The following PLSCR5 variants were observed in gnomAD, a reference collection of about 807,000 sequenced individuals.
The protein encoded by PLSCR5 is phospholipid scramblase family member 5, also known as phospholipid scramblase family, member 5.
Under a neutral mutation model 33.6 loss-of-function variants are expected in PLSCR5, and 44 were observed. The observed-to-expected ratio is 1.31, with a 90% CI of 1.03 to 1.69. The LOEUF (loss-of-function observed/expected upper bound fraction) is 1.69. Ranked by LOEUF, PLSCR5 falls within the 40% of genes most tolerant of loss-of-function variation. The probability of loss-of-function intolerance (pLI) is 0.00; values close to 1 mark genes in which losing one functional copy is unlikely to be tolerated. For missense variants in PLSCR5, 375 were observed against 318.7 expected (o/e 1.18, Z -1.34); for synonymous variants, 148 against 112.3 (o/e 1.32, Z -2.01).
intron 5 of PLSCR5, among the ~76,000 whole-genome samples, chr3:146,591,259 A>G (rs1455547754): frequency 6.6e-6 from 1 of 152,020 alleles, no homozygotes; most frequent in Non-Finnish European, 1.5e-5. Flanking sequence ...AAATCAGGAA[A>G]TATTGGTTAT....
At chr3:146,579,727 A>G (rs1398142122) in intron 7 of PLSCR5, among the ~76,000 whole-genome samples, 2 of 152,228 alleles carry the variant, frequency 1.3e-5, no homozygotes, top group Non-Finnish European at 2.9e-5. Flanking sequence ...AAGCCCCTAG[A>G]AGATGCTTTG....
At chr3:146,588,769 G>C (rs2044685818) in intron 6 of PLSCR5, among the ~76,000 whole-genome samples, 1 of 151,730 alleles carries the variant, frequency 6.6e-6, no homozygotes, top group Non-Finnish European at 1.5e-5. Flanking sequence ...CAATAGTACT[G>C]TGATGTGTAA....
At chr3:146,593,809 T>G in intron 4 of PLSCR5, 111 bp downstream of exon 4, 1 of 959,842 alleles carries the variant, frequency 1.0e-6, no homozygotes. Flanking sequence ...ATACTATTAA[T>G]AATTAAAACA....
At chr3:146,603,464 T>G (rs1487155336) in intron 1 of PLSCR5, among the ~76,000 whole-genome samples, 1 of 152,132 alleles carries the variant, frequency 6.6e-6, no homozygotes, top group East Asian at 1.9e-4. Context: ...TTGAGCCGGT[T>G]GCAGAAGGAG....
At chr3:146,576,596 G>A (rs1401615074) in exon 8 of PLSCR5, 3 of 151,964 alleles carry the variant, frequency 2.0e-5, no homozygotes, top group African/African-American at 4.8e-5. Flanking sequence ...CATTTTCTAA[G>A]TCTTCAATAT....
At chr3:146,583,239 C>T (rs2044645677), downstream of PLSCR5, among the ~76,000 whole-genome samples, 1 of 152,116 alleles carries the variant, frequency 6.6e-6, no homozygotes, top group Non-Finnish European at 1.5e-5. Flanking sequence ...GGATTAAAAG[C>T]TATCTCTTCA....
intron 7 of PLSCR5, among the ~76,000 whole-genome samples, chr3:146,579,628 G>A (rs973568108): frequency 3.3e-5 from 5 of 152,098 alleles, no homozygotes; most frequent in East Asian, 1.9e-4. Context: ...TTATGGCTTC[G>A]GAAAGATATT....
intron 7 of PLSCR5, among the ~76,000 whole-genome samples, chr3:146,580,759 G>T (rs2044628558): frequency 6.6e-6 from 1 of 152,096 alleles, no homozygotes; most frequent in African/African-American, 2.4e-5. Context: ...CACCGCGCCT[G>T]CCCCGCATTT....
chr3:146,599,674 CTTTTCTT>C (rs2044794034), intron 2 of PLSCR5, among the ~76,000 whole-genome samples: 1 of 116,552 alleles, frequency 8.6e-6, no homozygotes, highest in Non-Finnish European at 1.7e-5. Context: ...AATTTCTTTT[CTTTTCTT>C]TTTTTTTTTT....
downstream of PLSCR5, among the ~76,000 whole-genome samples, chr3:146,585,245 C>T (rs12107910): frequency 0.26 from 39,588 of 151,748 alleles, 5,166 homozygotes; most frequent in African/African-American, 0.27. Context: ...TTTTTAAGTC[C>T]TTGAGTTGTC....
Position 146,595,061 on chromosome 3 carries a change from T to C in PLSCR5, c.212A>G (p.Gln71Arg). Residue 71 changes from glutamine to arginine, a missense_variant, in exon 3 of 8, where the codon CAG becomes CGG. Physicochemically the swap from Gln to Arg is conservative, Grantham distance 43. Transcript: ENST00000443512. Reference protein sequence around the residue: ...LSQLDLIIIHQQVELLGMILG... With the variant: ...LSQLDLIIIHRQVELLGMILG... ...CTTACTTCCAAGCAGCTCCACCTGC[T>C]GGTGTATAATTATCAGGTCTAACTG... The C allele has an allele frequency of 2.1e-6, 3 of 1,435,190 alleles. No homozygotes were observed. The highest frequency in any genetic ancestry group is 2.8e-6 in the Non-Finnish European group (3 of 1,079,356). The allele number at this position is 1,435,190 out of a possible 1,614,324, so 88.9% of individuals were successfully genotyped here. A position where few individuals can be genotyped will look rare whatever the true frequency, so the allele number is the denominator to read the frequency against.
intron 1 of PLSCR5, among the ~76,000 whole-genome samples, chr3:146,602,124 CAAG>C (rs2044821753): frequency 1.3e-5 from 2 of 151,950 alleles, no homozygotes; most frequent in African/African-American, 4.8e-5. Flanking sequence ...TTGGTTTCCG[CAAG>C]TACCCCCACC....
intron 4 of PLSCR5, among the ~76,000 whole-genome samples, chr3:146,593,711 C>T (rs1324373015): frequency 6.6e-6 from 1 of 152,110 alleles, no homozygotes; most frequent in Non-Finnish European, 1.5e-5. Context: ...CAGTTTATAT[C>T]ATGAAAGCCA....
chr3:146,583,371 G>A (rs1005262640), downstream of PLSCR5, among the ~76,000 whole-genome samples: 3 of 152,148 alleles, frequency 2.0e-5, no homozygotes, highest in Non-Finnish European at 2.9e-5. Context: ...GTTTTTCCCA[G>A]TAAACACAGT....
chr3:146,581,623 G>C (rs2044633090), downstream of PLSCR5, among the ~76,000 whole-genome samples: 1 of 152,160 alleles, frequency 6.6e-6, no homozygotes, highest in African/African-American at 2.4e-5. Flanking sequence ...AAAAGTTCAA[G>C]AGTGACTATA....
rs564748303 is a variant in PLSCR5, at chr3:146,595,797, G to T, written c.190-714C>A. Reference sequence around the variant, plus strand: ...AGAAGACATGAAACAACACAATAATGATTTGAATGCCTGGCCTCTCCTCTT... The same window carrying T: ...AGAAGACATGAAACAACACAATAATTATTTGAATGCCTGGCCTCTCCTCTT... On this transcript the variant is annotated intron_variant, in intron 2 of 7. Coordinates refer to ENST00000443512, the MANE Select transcript of PLSCR5 (RefSeq NM_001085420.2). Among the ~76,000 whole-genome samples, 6 of 152,202 alleles carry T rather than the reference G, an allele frequency of 3.9e-5. No homozygotes were observed. The East Asian group carries it at 7.7e-4, about 20-fold the overall frequency.
At chr3:146,589,378 C>T (rs1357848259) in intron 6 of PLSCR5, among the ~76,000 whole-genome samples, 1 of 151,904 alleles carries the variant, frequency 6.6e-6, no homozygotes, top group African/African-American at 2.4e-5. Flanking sequence ...AACGTAAAAG[C>T]AAGGGGAAAC....
At chr3:146,601,214 T>C (rs796230395) in intron 1 of PLSCR5, among the ~76,000 whole-genome samples, 54 of 152,086 alleles carry the variant, frequency 3.6e-4, no homozygotes, top group African/African-American at 1.3e-3. Context: ...TTATTTACTT[T>C]GCATTACTCT....
At chr3:146,590,991 T>TG (rs2044708609) in intron 5 of PLSCR5, among the ~76,000 whole-genome samples, 1 of 74,356 alleles carries the variant, frequency 1.3e-5, no homozygotes, top group South Asian at 3.9e-4. Flanking sequence ...AATAAGGTTT[T>TG]TTTTTGTTTT....
Sources: gnomAD v4.1 joint callset for allele counts (sites outside exome capture counted in the v4.1 genomes callset) on GRCh38, gnomAD v4.1.1 for gene constraint, MANE v1.5 for transcripts, NCBI Gene and HGNC (gene_info 2026-07-23, HGNC 2026-07-21) for gene names.